Variants in TNRC6B observed in about 807,000 individuals in gnomAD.
TNRC6B encodes trinucleotide repeat containing adaptor 6B.
TNRC6B carries 52 observed loss-of-function variants against 203.6 expected under a neutral mutation model. The observed-to-expected ratio is 0.26, with a 90% CI of 0.20 to 0.32. The LOEUF is 0.32. TNRC6B is among the 10% of genes least tolerant of loss of function. The pLI, the probability that TNRC6B is intolerant of heterozygous loss-of-function variation, is 1.00. For synonymous variants in TNRC6B, 838 were observed against 845.7 expected (o/e 0.99, Z 0.16); for missense variants, 1,923 against 2,286.2 (o/e 0.84, Z 3.24).
chr22:40,226,672 T>C (rs562122064), intron 1 of TNRC6B, among the ~76,000 whole-genome samples: 1 of 152,324 alleles, frequency 6.6e-6, no homozygotes, highest in African/African-American at 2.4e-5. Flanking sequence ...CAGAGGAAAA[T>C]CAAATGTATC....
At chr22:40,061,595 G>C (rs1261594077) in intron 1 of TNRC6B, among the ~76,000 whole-genome samples, 1 of 150,262 alleles carries the variant, frequency 6.7e-6, no homozygotes, top group Non-Finnish European at 1.5e-5. Flanking sequence ...GCTGTTACTT[G>C]CTCATATATT....
At chr22:40,115,123 G>A (rs2068375341) in intron 1 of TNRC6B, among the ~76,000 whole-genome samples, 1 of 152,078 alleles carries the variant, frequency 6.6e-6, no homozygotes, top group Non-Finnish European at 1.5e-5. Context: ...TACAGGCAGT[G>A]TCTGAGACTC....
intron 1 of TNRC6B, among the ~76,000 whole-genome samples, chr22:40,217,919 G>A (rs916833574): frequency 1.1e-4 from 17 of 149,288 alleles, no homozygotes; most frequent in Admixed American, 6.8e-4. Context: ...GTTGCAGTGA[G>A]CCGAGGTCAC....
At chr22:40,054,259 C>T (rs1263626010) in intron 1 of TNRC6B, among the ~76,000 whole-genome samples, 1 of 152,154 alleles carries the variant, frequency 6.6e-6, no homozygotes, top group East Asian at 1.9e-4. Flanking sequence ...TGATAAGAAC[C>T]TGAATTCTTG....
chr22:40,204,968 T>A (rs1309260243), intron 1 of TNRC6B, among the ~76,000 whole-genome samples: 1 of 152,272 alleles, frequency 6.6e-6, no homozygotes, highest in East Asian at 1.9e-4. Flanking sequence ...GGTACATTTT[T>A]ATCTTACTGA....
intron 1 of TNRC6B, among the ~76,000 whole-genome samples, chr22:40,208,747 A>T (rs1016858438): frequency 6.6e-6 from 1 of 152,236 alleles, no homozygotes; most frequent in Non-Finnish European, 1.5e-5. Context: ...ATTTTTCTCC[A>T]GAAGTTTTAT....
chr22:40,268,347 A>G lies in TNRC6B; in HGVS notation c.2806+1311A>G, dbSNP rs574275071. Among the ~76,000 whole-genome samples the G allele has an allele frequency of 3.0e-4, 46 of 152,254 alleles. No individual in the cohort carries two copies. In the South Asian group the frequency reaches 9.5e-3, roughly 32 times the overall value. On this transcript the variant is annotated intron_variant, in intron 5 of 22. Coordinates refer to ENST00000454349, the MANE Select transcript of TNRC6B (RefSeq NM_001162501.2). ...GTGATCCACCCGCCTCAGTCTACCA[A>G]AGTGCTGGGATTACAGGCATGAGCC...
intron 3 of TNRC6B, among the ~76,000 whole-genome samples, chr22:40,254,312 G>A (rs916355694): frequency 7.2e-5 from 11 of 152,156 alleles, no homozygotes; most frequent in African/African-American, 9.7e-5. Context: ...GCCCAATTGC[G>A]TAGACTATGT....
At chr22:40,085,132 A>G (rs914980224) in intron 1 of TNRC6B, among the ~76,000 whole-genome samples, 2 of 152,222 alleles carry the variant, frequency 1.3e-5, no homozygotes, top group African/African-American at 4.8e-5. Flanking sequence ...GAGGAACTCC[A>G]GCTAACAGCT....
intron 7 of TNRC6B, chr22:40,276,748 A>C (rs2070650310): frequency 5.4e-6 from 1 of 186,042 alleles, no homozygotes; most frequent in Admixed American, 6.1e-5. Context: ...AGAGCAGCCT[A>C]ATGAAAGTGA....
intron 3 of TNRC6B, among the ~76,000 whole-genome samples, chr22:40,257,591 C>T (rs1410797261): frequency 1.3e-5 from 2 of 152,016 alleles, no homozygotes; most frequent in Admixed American, 1.3e-4. Flanking sequence ...TGGTGCACAC[C>T]TGTAATCCCA....
At chr22:40,191,278 C>CT (rs1265637145) in intron 1 of TNRC6B, among the ~76,000 whole-genome samples, 1 of 152,154 alleles carries the variant, frequency 6.6e-6, no homozygotes, top group African/African-American at 2.4e-5. Context: ...TAGTACCCAC[C>CT]TTGAAGAGTG....
chr22:40,284,930 A>G (rs565106644), intron 11 of TNRC6B, among the ~76,000 whole-genome samples: 2 of 152,336 alleles, frequency 1.3e-5, no homozygotes, highest in Admixed American at 1.3e-4. Context: ...TCTCTTAGTT[A>G]TCTCATTGGA....
chr22:40,153,952 A>G (rs1472192671), intron 3 of TNRC6B, among the ~76,000 whole-genome samples: 1 of 151,516 alleles, frequency 6.6e-6, no homozygotes, highest in East Asian at 1.9e-4. Context: ...AATTAATATT[A>G]ATATTAAGAA....
chr22:40,075,090 A>T (rs1227369377), intron 1 of TNRC6B, among the ~76,000 whole-genome samples: 3 of 140,486 alleles, frequency 2.1e-5, no homozygotes. Context: ...TCTTGGGTGT[A>T]GTGTGCTATT....
chr22:40,253,060 A>G (rs565380256), intron 3 of TNRC6B, among the ~76,000 whole-genome samples: 2 of 151,852 alleles, frequency 1.3e-5, no homozygotes, highest in South Asian at 4.2e-4. Context: ...GTGTTGGGAA[A>G]CAGAAAATCT....
At chr22:40,250,389 T>G (rs2070174850) in intron 2 of TNRC6B, among the ~76,000 whole-genome samples, 1 of 152,232 alleles carries the variant, frequency 6.6e-6, no homozygotes, top group South Asian at 2.1e-4. Context: ...AGTCCATTAC[T>G]ATGTTCAGCC....
intron 1 of TNRC6B, among the ~76,000 whole-genome samples, chr22:40,232,878 G>A (rs1021864806): frequency 6.6e-6 from 1 of 152,106 alleles, no homozygotes; most frequent in Non-Finnish European, 1.5e-5. Context: ...GTGGCTGGGC[G>A]CGATGGCTCA....
chr22:40,187,809 G>A (rs965218565), intron 1 of TNRC6B, among the ~76,000 whole-genome samples: 1 of 152,114 alleles, frequency 6.6e-6, no homozygotes, highest in South Asian at 2.1e-4. Context: ...ATATGGGTGG[G>A]TTTTTTCAGT....
Sources: allele counts gnomAD v4.1 joint callset (sites outside exome capture counted in the v4.1 genomes callset), GRCh38; gene constraint gnomAD v4.1.1; transcripts MANE v1.5; gene names NCBI Gene and HGNC (gene_info 2026-07-23, HGNC 2026-07-21).